JAK2: variants seen among roughly 807,000 people sequenced by gnomAD.
JAK2 encodes the protein tyrosine-protein kinase JAK2.
JAK2 carries 86 observed loss-of-function variants against 139.3 expected under a neutral mutation model. That is an observed-to-expected ratio of 0.62 (90% CI 0.52 to 0.74). JAK2 has a LOEUF of 0.74. JAK2 is among the 30% of genes least tolerant of loss of function. The pLI, the probability that JAK2 is intolerant of heterozygous loss-of-function variation, is 0.00. For synonymous variants in JAK2, 490 were observed against 437.7 expected, an observed-to-expected ratio of 1.12 and a Z score of -1.49; for missense variants, 1,421 against 1,360.3, an observed-to-expected ratio of 1.04 and a Z score of -0.70.
At chr9:5,057,823 C>T (rs912217204) in intron 8 of JAK2, among the ~76,000 whole-genome samples, 19 of 151,944 alleles carry the variant, frequency 1.3e-4, no homozygotes, top group Non-Finnish European at 2.5e-4. Flanking sequence ...CCTCATGATC[C>T]GCCTGCCTCA....
At chr9:5,073,486 T>A (rs1346295225) in intron 13 of JAK2, among the ~76,000 whole-genome samples, 1 of 152,168 alleles carries the variant, frequency 6.6e-6, no homozygotes, top group East Asian at 1.9e-4. Context: ...TCTCTCACTT[T>A]GATCTCCATA....
In JAK2 at chr9:5,126,753, C is replaced by T; in HGVS notation, c.3361C>T (p.Leu1121Phe). The T allele has an allele frequency of 6.2e-7, 1 of 1,610,512 alleles. No homozygotes were observed. The highest frequency in any genetic ancestry group is 8.5e-7 in the Non-Finnish European group (1 of 1,177,350). ...NQRPSFRDLALRVDQIRDNMA... is the reference protein window; with the variant it reads ...NQRPSFRDLAFRVDQIRDNMA... ...ACGCCCCTCCTTTAGGGATCTAGCT[C>T]TTCGAGTGGATCAAATAAGGGATAA... Residue 1121 changes from leucine to phenylalanine, a missense_variant, in exon 25 of 25, where the codon CTT becomes TTT. By Grantham distance (22) the Leu-to-Phe change is conservative. Transcript: ENST00000381652.
intron 2 of JAK2, 115 bp from the exon 3 acceptor site, chr9:5,021,848 G>C (rs1379894611): frequency 1.8e-5 from 11 of 616,036 alleles, no homozygotes. Context: ...GCTGAGGCTT[G>C]TCTCCAACTT....
intron 8 of JAK2, among the ~76,000 whole-genome samples, chr9:5,057,034 A>G (rs1400128880): frequency 6.6e-6 from 1 of 152,192 alleles, no homozygotes; most frequent in Non-Finnish European, 1.5e-5. Context: ...TTGTGCAACA[A>G]ACTGGGAAGA....
At chr9:5,042,754 A>G (rs908970566) in intron 4 of JAK2, among the ~76,000 whole-genome samples, 1 of 152,180 alleles carries the variant, frequency 6.6e-6, no homozygotes, top group African/African-American at 2.4e-5. Context: ...CATTGCTGCC[A>G]GGGGTGAGGC....
Position 5,128,114 on chromosome 9 carries a change from GTGTGTGTTA to G in JAK2, c.*1325_*1333del, listed in dbSNP as rs979628936. 1 of 228,970 alleles carries G rather than the reference GTGTGTGTTA, an allele frequency of 4.4e-6. No homozygotes were observed. The highest frequency in any genetic ancestry group is 5.7e-5 in the Admixed American group (1 of 17,450). The allele number at this position is 228,970 out of a possible 1,614,324, so 14.2% of individuals were successfully genotyped here. ...TGTGTGTGTGTGTGTGTGTGTGTGT[GTGTGTGTTA>G]TTTATACAAAACTTAAAATACTTGC... On this transcript the variant is annotated 3_prime_UTR_variant, in exon 25 of 25. Coordinates refer to ENST00000381652, the MANE Select transcript of JAK2 (RefSeq NM_004972.4).
In JAK2 at chr9:5,047,572, T is replaced by C. The variant is rs372054159; in HGVS notation, c.468+3052T>C. Among the ~76,000 whole-genome samples, 6 of 152,382 alleles carry C rather than the reference T, an allele frequency of 3.9e-5. No individual in the cohort carries two copies. The East Asian group carries it at 1.2e-3, about 29-fold the overall frequency. ...TGATTTTGTGACTGTGACTGTTTTT[T>C]ATTTCCCTGGCTAATGAAGATGTAA... is the stretch of plus-strand genomic sequence containing the variant. On this transcript the variant is annotated intron_variant, in intron 5 of 24. Transcript: ENST00000381652.
chr9:5,079,046 A>C (rs1421881271), intron 16 of JAK2, among the ~76,000 whole-genome samples: 1 of 152,152 alleles, frequency 6.6e-6, no homozygotes, highest in Non-Finnish European at 1.5e-5. Context: ...TTAGATTCTA[A>C]ATTGATCAAT....
In JAK2 at chr9:5,122,988, A is replaced by C. The variant is rs918865187; in HGVS notation, c.3060-16A>C. On this transcript the variant is annotated splice_polypyrimidine_tract_variant and intron_variant, in intron 22 of 24. Transcript: ENST00000381652. ...ATCAAGTAACTGTCTTTTAAATGTT[A>C]TTCATATATTTACAGGTATGCTCCA... 1.3e-6 allele frequency: 2 copies of C among 1,499,620 alleles called. No individual in the cohort carries two copies. The highest frequency in any genetic ancestry group is 1.8e-6 in the Non-Finnish European group (2 of 1,085,786). 92.9% of individuals were successfully genotyped at this position (1,499,620 alleles called of 1,614,324 possible).
rs2130555612 is a variant in JAK2 at position 5,073,702 on chromosome 9, T to C, written c.1781T>C (p.Phe594Ser). The C allele has an allele frequency of 6.2e-7, 1 of 1,610,162 alleles. No homozygotes were observed. Among genetic ancestry groups the C allele is most frequent in the Non-Finnish European group, 8.5e-7 (1 of 1,177,724 alleles). ...DKAHRNYSES[F>S]FEAASMMSKL... The stretch of plus-strand genomic sequence containing the variant: ...TGTACTTTTTTTTTTCCTTAGTCTT[T>C]CTTTGAAGCAGCAAGTATGATGAGC... The change falls in exon 14 of 25, where the codon TTC becomes TCC. Residue 594 changes from phenylalanine (F) to serine (S), a missense_variant. Physicochemically the swap from Phe to Ser is radical, Grantham distance 155 (BLOSUM62 -2). Coordinates refer to ENST00000381652, the MANE Select transcript of JAK2 (RefSeq NM_004972.4).
intron 4 of JAK2, chr9:5,041,802 C>A (rs893501191): frequency 8.2e-6 from 4 of 485,648 alleles, no homozygotes; most frequent in Non-Finnish European, 1.6e-5. Context: ...CAAAGATCAG[C>A]CGCACAGCAA....
At chr9:5,108,633 C>G (rs1344892646) in intron 22 of JAK2, 1 of 152,090 alleles carries the variant, frequency 6.6e-6, no homozygotes, top group Non-Finnish European at 1.5e-5. Flanking sequence ...ACTCCTAAAA[C>G]TAGGCGGCTG....
intron 14 of JAK2, among the ~76,000 whole-genome samples, chr9:5,076,102 A>G (rs967912170): frequency 4.6e-5 from 7 of 152,186 alleles, no homozygotes; most frequent in Admixed American, 1.3e-4. Flanking sequence ...GCCCTGAAAG[A>G]AGGAGGAGTT....
rs1824170280 is a variant in JAK2 at position 5,128,851 on chromosome 9, A to G, written c.*2060A>G. 6.6e-6 allele frequency among the ~76,000 whole-genome samples: 1 copy of G among 152,038 alleles called. No homozygotes were observed. Among genetic ancestry groups the G allele is most frequent in the African/African-American group, 2.4e-5 (1 of 41,454 alleles). ...AATTATTGTACCAGTTAATGCCAAA[A>G]TATTTTTCACGTTAATATTCTTCAG... On this transcript the variant is annotated 3_prime_UTR_variant, in exon 25 of 25. Coordinates refer to ENST00000381652, the MANE Select transcript of JAK2 (RefSeq NM_004972.4).
chr9:5,003,367 C>G (rs546821337), intron 2 of JAK2, among the ~76,000 whole-genome samples: 5 of 152,054 alleles, frequency 3.3e-5, no homozygotes, highest in African/African-American at 1.2e-4. Context: ...GTCTATCCCT[C>G]TCTTATTTAG....
intron 22 of JAK2, chr9:5,114,758 G>A (rs189130636): frequency 5.4e-5 from 18 of 331,746 alleles, no homozygotes; most frequent in Admixed American, 2.4e-4. Flanking sequence ...ATGAGACAGC[G>A]ACTGGCTCAC....
chr9:5,064,258 C>T (rs187643887), intron 8 of JAK2, among the ~76,000 whole-genome samples: 1 of 151,872 alleles, frequency 6.6e-6, no homozygotes, highest in Non-Finnish European at 1.5e-5. Flanking sequence ...GGGCTGATGC[C>T]GTGGCTCACG....
At chr9:5,089,566 G>C (rs928556058) in intron 19 of JAK2, 108 bp from the exon 20 acceptor site, 33 of 164,476 alleles carry the variant, frequency 2.0e-4, no homozygotes, top group African/African-American at 6.7e-4. Context: ...AAAAAAAAAA[G>C]ACAGTCTGCT....
rs149985866 is a variant in JAK2 at position 5,012,552 on chromosome 9, G to T, written c.-25-9411G>T. 8.3e-3 allele frequency among the ~76,000 whole-genome samples: 1,261 copies of T among 152,178 alleles called. 8 individuals carry two copies. Among genetic ancestry groups the T allele is most frequent in the Middle Eastern group, 0.017 (5 of 294 alleles). On this transcript the variant is annotated intron_variant, in intron 2 of 24. Coordinates refer to ENST00000381652, the MANE Select transcript of JAK2 (RefSeq NM_004972.4). ...TTTTTCTGAACTTCTCATTAAGGGA[G>T]GCAACCCAGCCTTGGTCTGGAGATC...
Sources: allele counts gnomAD v4.1 joint callset (sites outside exome capture counted in the v4.1 genomes callset), GRCh38; gene constraint gnomAD v4.1.1; transcripts MANE v1.5; gene names NCBI Gene and HGNC (gene_info 2026-07-23, HGNC 2026-07-21).